The following ANKRD36C variants were observed in gnomAD, a reference collection of about 807,000 sequenced individuals.
ANKRD36C encodes the protein ankyrin repeat domain-containing protein 36C.
Under a neutral mutation model 276.4 loss-of-function variants are expected in ANKRD36C, and 61 were observed. The observed-to-expected ratio is 0.22, with a 90% CI of 0.18 to 0.27. The LOEUF is 0.27. ANKRD36C is among the 10% of genes least tolerant of loss of function. ANKRD36C has a pLI of 1.00. For missense variants in ANKRD36C, 1,447 were observed against 2,032.3 expected (o/e 0.71, Z 5.54); for synonymous variants, 483 against 680.1 (o/e 0.71, Z 4.51).
intron 46 of ANKRD36C, 116 bp from the exon 67 acceptor site, chr2:95,890,110 G>A: frequency 7.5e-7 from 1 of 1,342,196 alleles, no homozygotes; most frequent in Non-Finnish European, 1.1e-6. Flanking sequence ...TGTAGGCTTT[G>A]ATGGCTTCTA....
chr2:95,890,732 A>C (rs544550682), intron 46 of ANKRD36C, among the ~76,000 whole-genome samples: 2 of 151,742 alleles, frequency 1.3e-5, no homozygotes, highest in East Asian at 3.9e-4. Flanking sequence ...AACTGCTACA[A>C]GCATTAGATA....
At chr2:95,911,226 T>C (rs1258598894) in intron 42 of ANKRD36C, among the ~76,000 whole-genome samples, 1 of 151,470 alleles carries the variant, frequency 6.6e-6, no homozygotes, top group Non-Finnish European at 1.5e-5. Flanking sequence ...CATCCACTCA[T>C]GGCACCAAAG....
At chr2:95,911,728 C>A (rs1231733159) in intron 42 of ANKRD36C, among the ~76,000 whole-genome samples, 17 of 151,454 alleles carry the variant, frequency 1.1e-4, no homozygotes, top group African/African-American at 2.9e-4. Context: ...AGGATTCCTC[C>A]GCAGTAACCC....
At chr2:95,986,625 C>T in intron 3 of ANKRD36C, 126 bp downstream of exon 3, 1 of 1,176,956 alleles carries the variant, frequency 8.5e-7, no homozygotes, top group Non-Finnish European at 1.2e-6. Context: ...ACAGTTAAGG[C>T]ATTTCAAAAT....
chr2:95,893,750 C>G, intron 44 of ANKRD36C, 26 bp from the exon 63 acceptor site: 1 of 1,604,354 alleles, frequency 6.2e-7, no homozygotes, highest in Admixed American at 1.7e-5. Context: ...GATTCATAAT[C>G]ACTCATATGT....
chr2:95,991,066 C>A (rs1192383464), intron 1 of ANKRD36C, among the ~76,000 whole-genome samples: 1 of 151,348 alleles, frequency 6.6e-6, no homozygotes, highest in Non-Finnish European at 1.5e-5. Flanking sequence ...CCAGGTGCGG[C>A]TGAGCCTGCC....
chr2:95,908,700 G>A lies in ANKRD36C; in HGVS notation c.2653+3544C>T, dbSNP rs1217571223. 20 of 1,553,406 alleles carry A rather than the reference G, an allele frequency of 1.3e-5. 2 individuals carry two copies. The highest frequency in any genetic ancestry group is 3.5e-6 in the Non-Finnish European group (4 of 1,147,450). On this transcript the variant is annotated intron_variant, in intron 42 of 66. Transcript: ENST00000456556. ...GCCTGGTGGTTGCTCAGAAGACACT[G>A]AAAAGTAAAAGGGATTCATAATCAC...
chr2:95,896,090 T>G (rs568936195), intron 44 of ANKRD36C, among the ~76,000 whole-genome samples: 1 of 148,210 alleles, frequency 6.7e-6, no homozygotes, highest in Non-Finnish European at 1.5e-5. Context: ...ACTTAACATA[T>G]CTTCAGTGGA....
rs770216892 is a variant in ANKRD36C, at chr2:95,915,948, A to C, written c.2449+32T>G. On this transcript the variant is annotated intron_variant, in intron 38 of 66. Coordinates refer to ENST00000456556, the Ensembl canonical transcript of ANKRD36C. Reference sequence around the variant, plus strand: ...GGAAGAGAACTTCTTATCTGGACTGAACATGACATTAAATGTGTTTTGCAA... The same window carrying C: ...GGAAGAGAACTTCTTATCTGGACTGCACATGACATTAAATGTGTTTTGCAA... 5.6e-5 allele frequency: 87 copies of C among 1,540,100 alleles called. No homozygotes were observed. The Middle Eastern group carries it at 6.9e-4, about 12-fold the overall frequency.
chr2:95,943,549 T>A (rs1475834864), intron 19 of ANKRD36C, among the ~76,000 whole-genome samples: 3 of 150,754 alleles, frequency 2.0e-5, no homozygotes, highest in Admixed American at 6.6e-5. Context: ...ATTTTTATTA[T>A]TTTTTATTAT....
chr2:95,940,807 T>C (rs1236254873), intron 20 of ANKRD36C, among the ~76,000 whole-genome samples: 179 of 136,482 alleles, frequency 1.3e-3, no homozygotes, highest in South Asian at 2.6e-3. Flanking sequence ...TTTGTAAATA[T>C]ACTAATGTCC....
chr2:95,928,688 T>C (rs889609017), intron 26 of ANKRD36C, among the ~76,000 whole-genome samples: 1 of 151,504 alleles, frequency 6.6e-6, no homozygotes, highest in Non-Finnish European at 1.5e-5. Context: ...GTTATTAGGA[T>C]CACTTTTCCC....
chr2:95,967,090 T>C (rs999702875), intron 6 of ANKRD36C, among the ~76,000 whole-genome samples: 22 of 152,212 alleles, frequency 1.4e-4, no homozygotes, highest in Non-Finnish European at 2.9e-4. Context: ...TACCATCATG[T>C]CATCTGCAAA....
chr2:95,879,109 G>A (rs1252820322), intron 58 of ANKRD36C, among the ~76,000 whole-genome samples: 1 of 152,114 alleles, frequency 6.6e-6, no homozygotes, highest in Non-Finnish European at 1.5e-5. Context: ...TACATATATG[G>A]CTCAGCCATA....
intron 44 of ANKRD36C, among the ~76,000 whole-genome samples, chr2:95,894,832 G>A (rs1318795333): frequency 6.6e-6 from 1 of 151,156 alleles, no homozygotes. Context: ...ATCAAATATT[G>A]TTTATGGAAA....
intron 61 of ANKRD36C, among the ~76,000 whole-genome samples, chr2:95,858,211 A>G (rs542588429): frequency 5.9e-5 from 9 of 152,098 alleles, no homozygotes; most frequent in African/African-American, 2.2e-4. Flanking sequence ...GTCGGGGGCC[A>G]TGGTCACTCA....
At chr2:95,917,224 G>A (rs184914867) in intron 36 of ANKRD36C, among the ~76,000 whole-genome samples, 104 of 151,666 alleles carry the variant, frequency 6.9e-4, no homozygotes, top group African/African-American at 2.5e-3. Context: ...CCCAATTCTA[G>A]CATTGTTTCC....
In ANKRD36C at chr2:95,946,156, G is replaced by GAAAAAAAA. The variant is rs56964568; in HGVS notation, c.1363-990_1363-983dup. Among the ~76,000 whole-genome samples, 173 of 73,288 alleles carry GAAAAAAAA rather than the reference G, an allele frequency of 2.4e-3. 4 individuals are homozygous for GAAAAAAAA. Among genetic ancestry groups the GAAAAAAAA allele is most frequent in the Middle Eastern group, 8.8e-3 (1 of 114 alleles). 48.1% of individuals were successfully genotyped at this position (73,288 alleles called of 152,430 possible). A position where few individuals can be genotyped will look rare whatever the true frequency, so the allele number is the denominator to read the frequency against. On this transcript the variant is annotated intron_variant, in intron 17 of 66. Transcript: ENST00000456556. ...AACAGAGAGAGAGAGACAGAGAGAG[G>GAAAAAAAA]AAAAAAAAAAAAAAAAAAAAAACAA... is the stretch of plus-strand genomic sequence containing the variant.
At chr2:95,897,366 A>C in intron 44 of ANKRD36C, 24 bp from the exon 60 acceptor site, 1 of 1,554,092 alleles carries the variant, frequency 6.4e-7, no homozygotes, top group African/African-American at 1.4e-5. Flanking sequence ...GAAATGAAAT[A>C]ATAAATTAAT....
Sources: allele counts gnomAD v4.1 joint callset (sites outside exome capture counted in the v4.1 genomes callset), GRCh38; gene constraint gnomAD v4.1.1; transcripts MANE v1.5; gene names NCBI Gene and HGNC (gene_info 2026-07-23, HGNC 2026-07-21).